Variants in VSIG10 observed in about 807,000 individuals in gnomAD.
The protein encoded by VSIG10 is V-set and immunoglobulin domain containing 10.
In VSIG10, 48 loss-of-function variants were observed where a neutral mutation model predicts 58.7. The ratio of observed to expected loss-of-function variants is 0.82; its 90% CI spans 0.65 to 1.04. The LOEUF is 1.04. Among genes scored for constraint, VSIG10 ranks in the 50% least tolerant of loss-of-function variants. The pLI, the probability that VSIG10 is intolerant of heterozygous loss-of-function variation, is 0.00. For synonymous variants in VSIG10, 260 were observed against 267.1 expected (o/e 0.97, Z 0.26); for missense variants, 628 against 670.0 (o/e 0.94, Z 0.69).
intron 1 of VSIG10, chr12:118,101,528 T>G (rs1192036571): frequency 6.6e-6 from 1 of 152,156 alleles, no homozygotes; most frequent in East Asian, 1.9e-4. Context: ...CAACCTTAAA[T>G]GTACAATAGA....
intron 2 of VSIG10, among the ~76,000 whole-genome samples, chr12:118,088,240 G>GAA (rs61475209): frequency 8.6e-5 from 8 of 93,018 alleles, no homozygotes; most frequent in South Asian, 3.8e-4. Context: ...CTGTGTCTCA[G>GAA]AAAAAAAAAA....
intron 1 of VSIG10, among the ~76,000 whole-genome samples, chr12:118,100,152 T>A (rs2033586045): frequency 6.6e-6 from 1 of 152,014 alleles, no homozygotes; most frequent in South Asian, 2.1e-4. Flanking sequence ...GGTGGATCAC[T>A]TGAGGTCAGG....
chr12:118,064,908 C>T lies in VSIG10; in HGVS notation c.*1731G>A, dbSNP rs1292910297. On this transcript the variant is annotated 3_prime_UTR_variant, in exon 9 of 9. Transcript: ENST00000359236. ...CTAGAATTGGAGAAAGGAAGTTCCC[C>T]TTTAAGCCCTAGGTCCTGCCCACTA... 6.6e-6 allele frequency: 1 copy of T among 152,190 alleles called. No individual in the cohort carries two copies. Among genetic ancestry groups the T allele is most frequent in the East Asian group, 1.9e-4 (1 of 5,188 alleles). The allele number at this position is 152,190 out of a possible 1,614,324, so 9.4% of individuals were successfully genotyped here.
In VSIG10 at chr12:118,103,802, C is replaced by G; in HGVS notation, c.-131G>C. ...GAACGGCAGAGTGGCCCCACTTCCT[C>G]GGCCCCCAGGAAGGATGCTTGGCTG... On this transcript the variant is annotated 5_prime_UTR_variant, in exon 1 of 9. Transcript: ENST00000359236. The G allele has an allele frequency of 1.2e-6, 1 of 866,716 alleles. No homozygotes were observed. The highest frequency in any genetic ancestry group is 2.2e-5 in the South Asian group (1 of 44,468). The allele number at this position is 866,716 out of a possible 1,614,324, so 53.7% of individuals were successfully genotyped here.
chr12:118,068,530 C>T lies in VSIG10; in HGVS notation c.1414G>A (p.Glu472Lys). Residue 472 changes from glutamate (E) to lysine (K), a missense_variant, in exon 8 of 9, where the codon GAG becomes AAG. Physicochemically the swap from Glu to Lys is moderately conservative, Grantham distance 56. Coordinates refer to ENST00000359236, the MANE Select transcript of VSIG10 (RefSeq NM_019086.6). ...SEEEEEEEEE[E>K]EEDAAVGEQE... The stretch of plus-strand genomic sequence containing the variant: ...TCCCCTACTGCAGCATCTTCCTCCT[C>T]CTCCTCCTCCTCCTCCTCTTCCTCT... 1 of 1,473,180 alleles carries T rather than the reference C, an allele frequency of 6.8e-7. No homozygotes were observed. The highest frequency in any genetic ancestry group is 9.3e-7 in the Non-Finnish European group (1 of 1,074,922). 91.3% of individuals were successfully genotyped at this position (1,473,180 alleles called of 1,614,324 possible).
chr12:118,095,866 G>A, intron 1 of VSIG10, 52 bp from the exon 2 acceptor site: 2 of 1,539,660 alleles, frequency 1.3e-6, no homozygotes, highest in Non-Finnish European at 1.8e-6. Flanking sequence ...TCTAAACAAT[G>A]TCCCTTTTTG....
chr12:118,082,017 TAAAAAAA>T lies in VSIG10; in HGVS notation c.664+103_664+109del, dbSNP rs11413291. 546 of 849,674 alleles carry T rather than the reference TAAAAAAA, an allele frequency of 6.4e-4. 1 individual carries two copies. The highest frequency in any genetic ancestry group is 7.8e-4 in the Non-Finnish European group (481 of 620,084). 52.6% of individuals were successfully genotyped at this position (849,674 alleles called of 1,614,324 possible). ...GGGCAAGAAGAGGGAAACTCCATCTTAAAAAAAAAAAAAAAAAAAAAGACAAATGGGA... is the reference window on the plus strand; with the variant it reads ...GGGCAAGAAGAGGGAAACTCCATCTTAAAAAAAAAAAAAAGACAAATGGGA... On this transcript the variant is annotated intron_variant, in intron 3 of 8. Coordinates refer to ENST00000359236, the MANE Select transcript of VSIG10 (RefSeq NM_019086.6).
intron 1 of VSIG10, among the ~76,000 whole-genome samples, chr12:118,099,115 G>A (rs2033555562): frequency 6.6e-6 from 1 of 151,828 alleles, no homozygotes; most frequent in South Asian, 2.1e-4. Context: ...GGGTGTGAGT[G>A]TGCCTGCTCA....
chr12:118,086,512 A>C (rs1456558461), intron 2 of VSIG10, among the ~76,000 whole-genome samples: 1 of 151,964 alleles, frequency 6.6e-6, no homozygotes. Context: ...TCCCTATCTG[A>C]CCAGCCTGTC....
At chr12:118,087,248 G>GTC (rs1292566325) in intron 2 of VSIG10, among the ~76,000 whole-genome samples, 2 of 151,960 alleles carry the variant, frequency 1.3e-5, no homozygotes, top group African/African-American at 4.8e-5. Context: ...TGGGATGAGT[G>GTC]ATGAAATCAC....
rs774564761 is a variant in VSIG10 at position 118,071,047 on chromosome 12, C to G, written c.1346+5G>C. 6.2e-7 allele frequency: 1 copy of G among 1,601,618 alleles called. No individual in the cohort carries two copies. On this transcript the variant is annotated splice_donor_5th_base_variant and intron_variant, in intron 7 of 8. Coordinates refer to ENST00000359236, the MANE Select transcript of VSIG10 (RefSeq NM_019086.6). ...GTGTTTGGTTTGATTCTAGGGAACA[C>G]TCACCTGGAAGTGTTTCCTACTGAA...
intron 4 of VSIG10, among the ~76,000 whole-genome samples, chr12:118,076,365 T>C (rs1410666123): frequency 1.4e-5 from 2 of 147,068 alleles, no homozygotes; most frequent in East Asian, 3.9e-4. Context: ...TTATGCACGG[T>C]CCCTTTTTTT....
At chr12:118,086,390 C>T (rs969277086) in intron 2 of VSIG10, among the ~76,000 whole-genome samples, 1 of 151,990 alleles carries the variant, frequency 6.6e-6, no homozygotes, top group African/African-American at 2.4e-5. Flanking sequence ...ATAGCTTGAA[C>T]CCAGGAGGCA....
intron 2 of VSIG10, among the ~76,000 whole-genome samples, chr12:118,091,193 A>G (rs1378651474): frequency 6.6e-6 from 1 of 152,120 alleles, no homozygotes; most frequent in African/African-American, 2.4e-5. Flanking sequence ...CTGGCCTCCC[A>G]AGTTAAAATG....
chr12:118,073,150 C>G (rs556072089), intron 5 of VSIG10, among the ~76,000 whole-genome samples: 10 of 152,024 alleles, frequency 6.6e-5, no homozygotes, highest in Non-Finnish European at 1.3e-4. Context: ...TGGTCTCGAA[C>G]TCCCAACCTC....
chr12:118,074,906 C>T (rs1488239981), intron 4 of VSIG10, among the ~76,000 whole-genome samples: 1 of 152,164 alleles, frequency 6.6e-6, no homozygotes, highest in East Asian at 1.9e-4. Context: ...ATGAGCCTTT[C>T]TTCATCACAA....
intron 7 of VSIG10, among the ~76,000 whole-genome samples, chr12:118,070,310 G>T (rs1323116573): frequency 2.0e-5 from 3 of 152,090 alleles, no homozygotes; most frequent in East Asian, 1.9e-4. Flanking sequence ...CACTTTGGGA[G>T]GCCGAGGCGG....
chr12:118,075,774 C>A (rs1174633259), intron 4 of VSIG10, among the ~76,000 whole-genome samples: 4 of 150,920 alleles, frequency 2.7e-5, no homozygotes, highest in Non-Finnish European at 4.4e-5. Context: ...TCACAGCAAC[C>A]CTGTTATTAT....
chr12:118,087,108 C>T (rs892439241), intron 2 of VSIG10, among the ~76,000 whole-genome samples: 10 of 150,914 alleles, frequency 6.6e-5, no homozygotes, highest in African/African-American at 1.2e-4. Flanking sequence ...AAGAAAGAAA[C>T]GGCGTTGGCA....
Sources: allele counts gnomAD v4.1 joint callset (sites outside exome capture counted in the v4.1 genomes callset), GRCh38; gene constraint gnomAD v4.1.1; transcripts MANE v1.5; gene names NCBI Gene and HGNC (gene_info 2026-07-23, HGNC 2026-07-21).